Variants in HTT-AS observed in about 807,000 individuals in gnomAD.
HTT-AS encodes the protein HTT antisense RNA (head to head).
At chr4:3,059,822 C>T (rs529868408) in intron 2 of HTT-AS, among the ~76,000 whole-genome samples, 1 of 152,284 alleles carries the variant, frequency 6.6e-6, no homozygotes, top group South Asian at 2.1e-4. Flanking sequence ...GTCCACCTGC[C>T]TTGGCCTCCC....
At chr4:3,049,052 C>T (rs1184163522), downstream of HTT-AS, among the ~76,000 whole-genome samples, 1 of 152,082 alleles carries the variant, frequency 6.6e-6, no homozygotes, top group African/African-American at 2.4e-5. Flanking sequence ...GAAAGTATAC[C>T]CCATAAGTGC....
chr4:3,066,501 A>C (rs1430283953), intron 1 of HTT-AS, among the ~76,000 whole-genome samples: 1 of 152,164 alleles, frequency 6.6e-6, no homozygotes, highest in African/African-American at 2.4e-5. Context: ...GGGACTAAAA[A>C]TGAAATCTAG....
chr4:3,062,362 G>A (rs1369036220), intron 2 of HTT-AS, among the ~76,000 whole-genome samples: 3 of 152,110 alleles, frequency 2.0e-5, no homozygotes, highest in Admixed American at 1.3e-4. Context: ...CTAATTCAAA[G>A]TTCCCTCTCC....
rs534227384 is a variant in HTT-AS, at chr4:3,054,651, G to C, written n.1381-4953C>G. ...GTGAACATATTGACTAAATTTAAAG[G>C]AGTATTATTCATTTTTTCCAGAAAT... On this transcript the variant is annotated intron_variant and non_coding_transcript_variant, in intron 2 of 2. Transcript: ENST00000664062. Among the ~76,000 whole-genome samples the C allele has an allele frequency of 6.6e-5, 10 of 152,128 alleles. No individual in the cohort carries two copies. In the East Asian group the frequency reaches 1.5e-3, roughly 24 times the overall value.
At chr4:3,049,832 C>T (rs1219262648) in intron 2 of HTT-AS, among the ~76,000 whole-genome samples, 4 of 151,294 alleles carry the variant, frequency 2.6e-5, no homozygotes, top group Admixed American at 1.3e-4. Flanking sequence ...TTGAAAATGA[C>T]GATTGAATAA....
At chr4:3,074,160 C>T (rs2110127444) in intron 1 of HTT-AS, among the ~76,000 whole-genome samples, 1 of 133,466 alleles carries the variant, frequency 7.5e-6, no homozygotes, top group South Asian at 2.6e-4. Flanking sequence ...CTCCCCTATC[C>T]CGCTCCGCCC....
intron 2 of HTT-AS, among the ~76,000 whole-genome samples, chr4:3,061,146 C>T (rs942431365): frequency 2.0e-5 from 3 of 152,208 alleles, no homozygotes; most frequent in African/African-American, 7.2e-5. Flanking sequence ...TATTATGCCA[C>T]TTCAGTGACA....
intron 2 of HTT-AS, among the ~76,000 whole-genome samples, chr4:3,051,080 G>GTGT (rs1343239954): frequency 7.0e-6 from 1 of 143,506 alleles, no homozygotes; most frequent in East Asian, 2.0e-4. Context: ...GTGTGTGTGT[G>GTGT]TTTTAGATGG....
chr4:3,057,127 G>C (rs946491355), intron 2 of HTT-AS, among the ~76,000 whole-genome samples: 2 of 151,648 alleles, frequency 1.3e-5, no homozygotes, highest in East Asian at 3.9e-4. Flanking sequence ...TCTGCCTCCC[G>C]GGTTCAAGCA....
intron 2 of HTT-AS, among the ~76,000 whole-genome samples, chr4:3,060,285 G>A (rs61791251): frequency 0.045 from 6,892 of 151,778 alleles, 205 homozygotes; most frequent in South Asian, 0.079. Context: ...ACTTTTCTTG[G>A]GTTTTTCCTG....
intron 1 of HTT-AS, among the ~76,000 whole-genome samples, chr4:3,073,860 G>C (rs1712275233): frequency 6.6e-6 from 1 of 152,196 alleles, no homozygotes; most frequent in South Asian, 2.1e-4. Flanking sequence ...GTCCGGGTGA[G>C]TATGGCTCTG....
chr4:3,062,253 C>T (rs534949753), intron 2 of HTT-AS, among the ~76,000 whole-genome samples: 1 of 152,080 alleles, frequency 6.6e-6, no homozygotes, highest in African/African-American at 2.4e-5. Flanking sequence ...TGGTCTAAAA[C>T]CCCTGAGCTC....
chr4:3,067,811 A>G (rs190245488), intron 1 of HTT-AS, among the ~76,000 whole-genome samples: 142 of 152,294 alleles, frequency 9.3e-4, no homozygotes, highest in African/African-American at 3.2e-3. Context: ...GCCTGTTGCT[A>G]GGTTACCAAA....
chr4:3,053,698 G>C (rs991006554), intron 2 of HTT-AS, among the ~76,000 whole-genome samples: 1 of 151,700 alleles, frequency 6.6e-6, no homozygotes, highest in African/African-American at 2.4e-5. Flanking sequence ...AAAGGTTACT[G>C]GTGAAAATAA....
chr4:3,072,862 T>C (rs1712211279), intron 1 of HTT-AS, among the ~76,000 whole-genome samples: 1 of 152,170 alleles, frequency 6.6e-6, no homozygotes, highest in Admixed American at 6.5e-5. Context: ...TCCTGACCTC[T>C]GGTGATCTGC....
chr4:3,072,752 G>C (rs1035165776), intron 1 of HTT-AS, among the ~76,000 whole-genome samples: 3 of 152,056 alleles, frequency 2.0e-5, no homozygotes, highest in Non-Finnish European at 2.9e-5. Context: ...CTCAGCCTCC[G>C]GAATAGCTGG....
At chr4:3,050,587 CTG>C (rs1711682880) in intron 2 of HTT-AS, among the ~76,000 whole-genome samples, 1 of 152,130 alleles carries the variant, frequency 6.6e-6, no homozygotes, top group Non-Finnish European at 1.5e-5. Flanking sequence ...AAGCAATTAA[CTG>C]TGGAAATGAC....
At chr4:3,048,226 C>A (rs764074784), downstream of HTT-AS, among the ~76,000 whole-genome samples, 2 of 152,132 alleles carry the variant, frequency 1.3e-5, no homozygotes, top group African/African-American at 4.8e-5. Context: ...ACCCTACAGG[C>A]GAGAGTGTGA....
In HTT-AS at chr4:3,049,776, GC is replaced by G. The variant is rs1284763128; in HGVS notation, n.1381-79del. Among the ~76,000 whole-genome samples the G allele has an allele frequency of 5.3e-5, 8 of 152,218 alleles. No individual in the cohort carries two copies. The East Asian group carries it at 1.4e-3, about 26-fold the overall frequency. ...ATAATAACCTACTGTTAAAACATCA[GC>G]CCTCTTAACATGCGAGAGCTTTTAT... On this transcript the variant is annotated intron_variant and non_coding_transcript_variant, in intron 2 of 2. Coordinates refer to ENST00000664062, the Ensembl canonical transcript of HTT-AS.
Sources: gnomAD v4.1 joint callset for allele counts (sites outside exome capture counted in the v4.1 genomes callset) on GRCh38, gnomAD v4.1.1 for gene constraint, MANE v1.5 for transcripts, NCBI Gene and HGNC (gene_info 2026-07-23, HGNC 2026-07-21) for gene names.